Variants in DNAJC11 observed in about 807,000 individuals in gnomAD.
The protein encoded by DNAJC11 is DnaJ heat shock protein family (Hsp40) member C11, also known as dnaJ homolog subfamily C member 11.
In DNAJC11, 15 loss-of-function variants were observed where a neutral mutation model predicts 78.6. The observed-to-expected ratio is 0.19, with a 90% CI of 0.13 to 0.29. DNAJC11 has a LOEUF of 0.29. Among genes scored for constraint, DNAJC11 ranks in the 10% least tolerant of loss-of-function variants. The pLI is 1.00. For synonymous variants in DNAJC11, 292 were observed against 272.1 expected, an observed-to-expected ratio of 1.07 and a Z score of -0.72; for missense variants, 547 against 709.6, an observed-to-expected ratio of 0.77 and a Z score of 2.60.
At chr1:6,669,955 AATTTT>A (rs1642352498) in intron 3 of DNAJC11, among the ~76,000 whole-genome samples, 1 of 151,076 alleles carries the variant, frequency 6.6e-6, no homozygotes, top group Admixed American at 6.7e-5. Context: ...TTCAAAAAAT[AATTTT>A]TTTTTTTTTT....
At chr1:6,693,287 C>T (rs1247285072) in intron 1 of DNAJC11, among the ~76,000 whole-genome samples, 1 of 152,186 alleles carries the variant, frequency 6.6e-6, no homozygotes, top group Admixed American at 6.5e-5. Flanking sequence ...AAGTGGATAG[C>T]AAAGTTCATC....
intron 12 of DNAJC11, 115 bp from the exon 13 acceptor site, chr1:6,637,619 AAAGG>A: frequency 8.1e-7 from 1 of 1,232,888 alleles, no homozygotes; most frequent in South Asian, 1.2e-5. Context: ...CAGGGCCTGG[AAAGG>A]AAGGGAGTGG....
chr1:6,648,848 C>A (rs920483120), intron 7 of DNAJC11, among the ~76,000 whole-genome samples: 1 of 152,218 alleles, frequency 6.6e-6, no homozygotes, highest in African/African-American at 2.4e-5. Context: ...TGTTTCCCTG[C>A]TGTTCTCTTC....
intron 7 of DNAJC11, among the ~76,000 whole-genome samples, chr1:6,648,494 T>A (rs1642001839): frequency 6.6e-6 from 1 of 152,082 alleles, no homozygotes; most frequent in Non-Finnish European, 1.5e-5. Context: ...TCTTGCTCTG[T>A]CACCTAGGCT....
chr1:6,697,596 G>A (rs181406464), intron 1 of DNAJC11, among the ~76,000 whole-genome samples: 42 of 151,432 alleles, frequency 2.8e-4, no homozygotes, highest in Admixed American at 5.2e-4. Flanking sequence ...GACGCTAACC[G>A]CTTGCTTGCC....
chr1:6,636,317 G>C lies in DNAJC11; in HGVS notation c.1525-71C>G, dbSNP rs983887291. The C allele has an allele frequency of 3.8e-6, 6 of 1,579,994 alleles. No homozygotes were observed. In the African/African-American group the frequency reaches 6.7e-5, roughly 18 times the overall value. On this transcript the variant is annotated intron_variant, in intron 14 of 15. Transcript: ENST00000377577. ...ACCAGCACTCCTCCTCACTACCACC[G>C]GAGGGGCAGTGTGCACAGGCTCTGA... is the stretch of plus-strand genomic sequence containing the variant.
chr1:6,662,127 TGTTTTTTG>T (rs1388284914), intron 4 of DNAJC11, among the ~76,000 whole-genome samples: 1 of 131,866 alleles, frequency 7.6e-6, no homozygotes, highest in Non-Finnish European at 1.6e-5. Flanking sequence ...AATTGTTTTT[TGTTTTTTG>T]TTTTTTTTTT....
chr1:6,645,655 C>T lies in DNAJC11; in HGVS notation c.894+134G>A, dbSNP rs1054824410. ...TCACTCGAGTGTGAGCACCGAGAGC[C>T]TGCCCCTCAGGGCCCTGTATGGGCT... On this transcript the variant is annotated intron_variant, in intron 8 of 15. Transcript: ENST00000377577. The surrounding 1 kb of genome is among the most constrained non-coding windows in gnomAD (Gnocchi z 4.1). The T allele has an allele frequency of 1.7e-5, 17 of 1,020,096 alleles. No individual in the cohort carries two copies. Among genetic ancestry groups the T allele is most frequent in the Non-Finnish European group, 1.4e-6 (1 of 696,924 alleles). 63.2% of individuals were successfully genotyped at this position (1,020,096 alleles called of 1,614,324 possible).
chr1:6,644,439 A>G, intron 10 of DNAJC11, 119 bp downstream of exon 10: 1 of 808,298 alleles, frequency 1.2e-6, no homozygotes, highest in Admixed American at 1.9e-5. Context: ...TAGCCAAGCA[A>G]CTGTGTCTTT....
intron 3 of DNAJC11, among the ~76,000 whole-genome samples, chr1:6,673,183 G>A (rs534024559): frequency 7.2e-4 from 55 of 76,606 alleles, no homozygotes; most frequent in African/African-American, 2.2e-3. Context: ...GTGAAAGAGC[G>A]AAACTCCATC....
intron 3 of DNAJC11, among the ~76,000 whole-genome samples, chr1:6,672,193 C>A (rs1234397829): frequency 6.6e-6 from 1 of 152,132 alleles, no homozygotes; most frequent in East Asian, 1.9e-4. Flanking sequence ...TTAAAAAATG[C>A]AGATTTTAAT....
intron 1 of DNAJC11, among the ~76,000 whole-genome samples, chr1:6,683,311 C>T (rs753164768): frequency 6.6e-6 from 1 of 152,114 alleles, no homozygotes; most frequent in Non-Finnish European, 1.5e-5. Context: ...GATGCAGGAT[C>T]TGTCACTTCC....
chr1:6,654,243 C>T (rs1183621047), intron 4 of DNAJC11: 5 of 483,108 alleles, frequency 1.0e-5, no homozygotes, highest in Non-Finnish European at 1.8e-5. Flanking sequence ...CACAGACGTC[C>T]AGAGCTAGAA....
In DNAJC11 at chr1:6,663,553, CG is replaced by C. The variant is rs546054739; in HGVS notation, c.378+4155del. Among the ~76,000 whole-genome samples, 38 of 152,260 alleles carry C rather than the reference CG, an allele frequency of 2.5e-4. No individual in the cohort carries two copies. In the South Asian group the frequency reaches 3.7e-3, roughly 15 times the overall value. On this transcript the variant is annotated intron_variant, in intron 4 of 15. Coordinates refer to ENST00000377577, the MANE Select transcript of DNAJC11 (RefSeq NM_018198.4). The stretch of plus-strand genomic sequence containing the variant: ...TTAAGTCCTTAAAATGCAAGAAATG[CG>C]GATGGATTATGCAAATAAAACAGAA...
At chr1:6,679,744 G>A (rs1167415571) in intron 2 of DNAJC11, among the ~76,000 whole-genome samples, 3 of 152,152 alleles carry the variant, frequency 2.0e-5, no homozygotes, top group African/African-American at 7.2e-5. Context: ...TGCTGTTGTG[G>A]CACTTTCACT....
At chr1:6,660,702 G>A (rs1321806978) in intron 4 of DNAJC11, among the ~76,000 whole-genome samples, 2 of 152,126 alleles carry the variant, frequency 1.3e-5, no homozygotes, top group African/African-American at 4.8e-5. Flanking sequence ...CATTTTCCCT[G>A]ATTCCCCCCT....
At chr1:6,663,654 C>A (rs770055268) in intron 4 of DNAJC11, among the ~76,000 whole-genome samples, 2 of 152,098 alleles carry the variant, frequency 1.3e-5, no homozygotes, top group African/African-American at 4.8e-5. Flanking sequence ...AGGTATGAAC[C>A]CACGTCCTGC....
chr1:6,679,825 T>C (rs151316059), intron 2 of DNAJC11, among the ~76,000 whole-genome samples: 1 of 152,320 alleles, frequency 6.6e-6, no homozygotes, highest in Non-Finnish European at 1.5e-5. Flanking sequence ...ATGTGGCTAA[T>C]TTAGACAACA....
intron 4 of DNAJC11, 81 bp from the exon 5 acceptor site, chr1:6,654,120 C>T (rs1445917283): frequency 6.5e-6 from 10 of 1,541,652 alleles, no homozygotes; most frequent in South Asian, 1.1e-5. Flanking sequence ...ACAGCCAGCT[C>T]GCTTTAATTG....
Sources: gnomAD v4.1 joint callset for allele counts (sites outside exome capture counted in the v4.1 genomes callset) on GRCh38, gnomAD v4.1.1 for gene constraint, Gnocchi (gnomAD v3.1) non-coding constraint, MANE v1.5 for transcripts, NCBI Gene and HGNC (gene_info 2026-07-23, HGNC 2026-07-21) for gene names.